ACOT11: variants seen among roughly 807,000 people sequenced by gnomAD.
The protein encoded by ACOT11 is acyl-CoA thioesterase 11.
In ACOT11, 69 loss-of-function variants were observed where a neutral mutation model predicts 77.5. That is an observed-to-expected ratio of 0.89 (90% CI 0.73 to 1.09). ACOT11 has a LOEUF of 1.09. ACOT11 is among the 50% of genes least tolerant of loss of function. The probability of loss-of-function intolerance (pLI) is 0.00; values close to 1 mark genes in which losing one functional copy is unlikely to be tolerated. For missense variants in ACOT11, 766 were observed against 813.7 expected, an observed-to-expected ratio of 0.94 and a Z score of 0.71; for synonymous variants, 279 against 313.0, an observed-to-expected ratio of 0.89 and a Z score of 1.15.
exon 17 of ACOT11, chr1:54,637,204 A>G (rs1294222446): frequency 6.6e-6 from 1 of 152,096 alleles, no homozygotes; most frequent in Non-Finnish European, 1.5e-5. Context: ...GTGTGTCTTT[A>G]ATTCCTCTAG....
chr1:54,601,454 C>T, intron 9 of ACOT11, 41 bp downstream of exon 9: 2 of 1,596,510 alleles, frequency 1.3e-6, no homozygotes, highest in Non-Finnish European at 1.7e-6. Context: ...CAGCTCCCCT[C>T]CCCTCCCTCT....
chr1:54,622,509 C>CGGA (rs1402700661), intron 15 of ACOT11, among the ~76,000 whole-genome samples: 1 of 150,736 alleles, frequency 6.6e-6, no homozygotes, highest in East Asian at 2.0e-4. Context: ...ACCTGGGAGG[C>CGGA]GGAGGTTGCA....
chr1:54,633,033 C>G (rs1301802971), intron 16 of ACOT11, among the ~76,000 whole-genome samples: 1 of 152,062 alleles, frequency 6.6e-6, no homozygotes, highest in African/African-American at 2.4e-5. Context: ...GGGGTATGTC[C>G]CTGGTATGGG....
At chr1:54,595,991 G>T (rs775962738) in intron 6 of ACOT11, among the ~76,000 whole-genome samples, 16 of 152,140 alleles carry the variant, frequency 1.1e-4, no homozygotes, top group Non-Finnish European at 1.9e-4. Flanking sequence ...GAGCTGGGGA[G>T]GCCCAGCTCT....
rs765531015 is a variant in ACOT11 at position 54,594,634 on chromosome 1, C to T, written c.550C>T (p.Arg184Cys). 14 of 1,614,010 alleles carry T rather than the reference C, an allele frequency of 8.7e-6. No individual in the cohort carries two copies. In the East Asian group the frequency reaches 8.9e-5, roughly 10 times the overall value. ...HSVAAERRRM[R>C]LVYADTIKDL... ...TGTGGCGGCTGAGCGCCGGCGCATG[C>T]GCCTTGTCTATGCAGACACCATCAA... The change falls in exon 6 of 16, where the codon CGC becomes TGC. Residue 184 changes from arginine to cysteine, a missense_variant. Transcript: ENST00000343744.
chr1:54,561,713 C>T (rs1171733171), intron 1 of ACOT11, among the ~76,000 whole-genome samples: 31 of 119,972 alleles, frequency 2.6e-4, no homozygotes, highest in African/African-American at 4.8e-4. Flanking sequence ...CCGGACGGGG[C>T]GGCTGGCCGG....
At chr1:54,557,168 C>T (rs1225648588) in intron 1 of ACOT11, among the ~76,000 whole-genome samples, 74 of 151,996 alleles carry the variant, frequency 4.9e-4, no homozygotes, top group African/African-American at 1.7e-3. Flanking sequence ...CCAAGGCAGG[C>T]AGATCACAAG....
At position 54,609,726 on chromosome 1, in the gene ACOT11, G is replaced by T; in HGVS notation, c.*614G>T. Reference sequence around the variant, plus strand: ...CACACAGGCCAATGCAAGAGGCCAAGGCTGGAGAGGCGTGCCAGCAAGGCC... The same window carrying T: ...CACACAGGCCAATGCAAGAGGCCAATGCTGGAGAGGCGTGCCAGCAAGGCC... On this transcript the variant is annotated 3_prime_UTR_variant, in exon 16 of 16. Transcript: ENST00000343744. 1 of 1,614,144 alleles carries T rather than the reference G, an allele frequency of 6.2e-7. No individual in the cohort carries two copies. The highest frequency in any genetic ancestry group is 8.5e-7 in the Non-Finnish European group (1 of 1,180,022).
intron 1 of ACOT11, among the ~76,000 whole-genome samples, chr1:54,578,505 TC>T (rs1654191822): frequency 6.6e-6 from 1 of 152,192 alleles, no homozygotes; most frequent in Non-Finnish European, 1.5e-5. Context: ...GGAAAAGAGA[TC>T]ATCTTTCTAA....
At chr1:54,611,540 GTGCCCACCAGGTGCTGCTCCA>G, downstream of ACOT11, 2 of 1,552,882 alleles carry the variant, frequency 1.3e-6, no homozygotes. Context: ...CTCTGCTCCA[GTGCCCACCAGGTGCTGCTCCA>G]TGCAGAATCC....
Position 54,609,667 on chromosome 1 carries a change from C to G in ACOT11, c.*555C>G. ...CTCTGCCAGCCACATGGCCGGGGAC[C>G]GAAAAACTCCCGTGGGAGATTTTGG... On this transcript the variant is annotated 3_prime_UTR_variant, in exon 16 of 16. Coordinates refer to ENST00000343744, the MANE Select transcript of ACOT11 (RefSeq NM_147161.4). The G allele has an allele frequency of 6.2e-7, 1 of 1,613,942 alleles. No individual in the cohort carries two copies. Among genetic ancestry groups the G allele is most frequent in the Non-Finnish European group, 8.5e-7 (1 of 1,180,034 alleles).
In ACOT11 at chr1:54,548,272, C is replaced by G. The variant is rs767387707; in HGVS notation, c.-38C>G. On this transcript the variant is annotated 5_prime_UTR_variant, in exon 1 of 16. Coordinates refer to ENST00000343744, the MANE Select transcript of ACOT11 (RefSeq NM_147161.4). ...TGTTGCTCAGGTGACCAGCTTGTGT[C>G]TCTGGGAGGGCGCTGCTTTCCCCGG... 111 of 1,580,782 alleles carry G rather than the reference C, an allele frequency of 7.0e-5. No individual in the cohort carries two copies. Among genetic ancestry groups the G allele is most frequent in the Admixed American group, 1.6e-4 (9 of 55,032 alleles).
chr1:54,623,334 C>T (rs1644249737), intron 15 of ACOT11: 1 of 1,614,010 alleles, frequency 6.2e-7, no homozygotes, highest in Non-Finnish European at 8.5e-7. Context: ...CACAGACACA[C>T]AGGTAATGCC....
At chr1:54,551,166 C>T (rs1653054720) in intron 1 of ACOT11, among the ~76,000 whole-genome samples, 1 of 147,832 alleles carries the variant, frequency 6.8e-6, no homozygotes, top group Admixed American at 6.7e-5. Context: ...AAACCAGCAA[C>T]AGCAACAACA....
chr1:54,573,131 C>G (rs1653981848), intron 1 of ACOT11: 1 of 985,310 alleles, frequency 1.0e-6, no homozygotes, highest in African/African-American at 1.7e-5. Flanking sequence ...AGGTATGGGT[C>G]CTGGCCTAGC....
intron 1 of ACOT11, among the ~76,000 whole-genome samples, chr1:54,554,858 T>G (rs1013245268): frequency 6.6e-6 from 1 of 152,202 alleles, no homozygotes; most frequent in Admixed American, 6.5e-5. Flanking sequence ...CTCCATACTG[T>G]TTTCCATAAT....
At chr1:54,629,077 A>C (rs1644286762) in intron 15 of ACOT11, among the ~76,000 whole-genome samples, 2 of 128,058 alleles carry the variant, frequency 1.6e-5, no homozygotes, top group South Asian at 5.3e-4. Context: ...AAAAAAAAAA[A>C]AGAAGAAGAA....
In ACOT11 at chr1:54,601,334, A is replaced by G. The variant is rs1643960883; in HGVS notation, c.950A>G (p.Asn317Ser). Residue 317 changes from asparagine to serine, a missense_variant, in exon 9 of 16, where the codon AAC becomes AGC. Coordinates refer to ENST00000343744, the MANE Select transcript of ACOT11 (RefSeq NM_147161.4). Reference protein sequence around the residue: ...QEAETHRRHINSAFMTFVVLD... With the variant: ...QEAETHRRHISSAFMTFVVLD... ...GCTGAGACCCACCGGCGCCACATCAACAGTGCCTTTATGACCTTTGTGGTC... is the reference window on the plus strand; with the variant it reads ...GCTGAGACCCACCGGCGCCACATCAGCAGTGCCTTTATGACCTTTGTGGTC... The G allele has an allele frequency of 2.5e-6, 4 of 1,613,680 alleles. No individual in the cohort carries two copies. Among genetic ancestry groups the G allele is most frequent in the Non-Finnish European group, 3.4e-6 (4 of 1,180,034 alleles).
At chr1:54,565,884 A>G (rs1449441909) in intron 1 of ACOT11, among the ~76,000 whole-genome samples, 1 of 152,076 alleles carries the variant, frequency 6.6e-6, no homozygotes, top group African/African-American at 2.4e-5. Context: ...TCCCACACAC[A>G]TTTTGGAAAG....
Sources: allele counts gnomAD v4.1 joint callset (sites outside exome capture counted in the v4.1 genomes callset), GRCh38; gene constraint gnomAD v4.1.1; transcripts MANE v1.5; gene names NCBI Gene and HGNC (gene_info 2026-07-23, HGNC 2026-07-21).